MRPL10: variants seen among roughly 807,000 people sequenced by gnomAD.
MRPL10 encodes the protein mitochondrial ribosomal protein L10.
In MRPL10, 14 loss-of-function variants were observed where a neutral mutation model predicts 19.8. That is an observed-to-expected ratio of 0.71 (90% CI 0.47 to 1.11). The LOEUF (loss-of-function observed/expected upper bound fraction) is 1.11, where lower values mean the gene tolerates loss of function less well. Ranked by LOEUF, MRPL10 falls within the 50% of genes least tolerant of loss-of-function variation. The pLI, the probability that MRPL10 is intolerant of heterozygous loss-of-function variation, is 0.00. For missense variants in MRPL10, 318 were observed against 339.6 expected, an observed-to-expected ratio of 0.94 and a Z score of 0.50; for synonymous variants, 129 against 139.2, an observed-to-expected ratio of 0.93 and a Z score of 0.52.
At chr17:47,828,476 G>A (rs1449687944) in intron 2 of MRPL10, 25 bp downstream of exon 2, 2 of 1,391,626 alleles carry the variant, frequency 1.4e-6, no homozygotes, top group Non-Finnish European at 1.9e-6. Flanking sequence ...ACCACCAAGT[G>A]ACATGTACCC....
At chr17:47,825,424 T>C (rs564406239) in intron 4 of MRPL10, among the ~76,000 whole-genome samples, 1 of 152,224 alleles carries the variant, frequency 6.6e-6, no homozygotes, top group African/African-American at 2.4e-5. Context: ...AAACTAGCAG[T>C]TCAAGACAAG....
intron 1 of MRPL10, among the ~76,000 whole-genome samples, chr17:47,831,144 G>A (rs1245041638): frequency 6.6e-6 from 1 of 152,206 alleles, no homozygotes; most frequent in Non-Finnish European, 1.5e-5. Context: ...CTAAACAAAT[G>A]CAAAATTACA....
At position 47,826,723 on chromosome 17, in the gene MRPL10, C is replaced by G. The variant is rs764297515; in HGVS notation, c.446G>C (p.Gly149Ala). The change falls in exon 4 of 5, where the codon GGG becomes GCG. Residue 149 changes from glycine (G) to alanine (A), a missense_variant. By Grantham distance (60) the Gly-to-Ala change is moderately conservative. Transcript: ENST00000351111. Reference sequence around the variant, plus strand: ...TTCACTGACCAGCAGCATGTTGTGCCCCACAAAAAGGGGCAGCAGATTTTG... The same window carrying G: ...TTCACTGACCAGCAGCATGTTGTGCGCCACAAAAAGGGGCAGCAGATTTTG... ...KYQNLLPLFV[G>A]HNMLLVSEEP... 5.6e-6 allele frequency: 9 copies of G among 1,614,142 alleles called. No homozygotes were observed. In the South Asian group the frequency reaches 8.8e-5, roughly 16 times the overall value.
chr17:47,824,516 A>G, intron 4 of MRPL10, 58 bp from the exon 5 acceptor site: 1 of 1,498,478 alleles, frequency 6.7e-7, no homozygotes, highest in African/African-American at 1.4e-5. Context: ...CTCTGAAAAC[A>G]ATATTCTGAC....
chr17:47,830,476 C>A (rs2033610724), intron 1 of MRPL10, among the ~76,000 whole-genome samples: 1 of 151,800 alleles, frequency 6.6e-6, no homozygotes, highest in South Asian at 2.1e-4. Flanking sequence ...ACTGTTAAGA[C>A]TGCAGGCAGG....
chr17:47,831,397 A>G, intron 1 of MRPL10, 63 bp downstream of exon 1: 3 of 1,546,044 alleles, frequency 1.9e-6, no homozygotes, highest in Non-Finnish European at 2.6e-6. Context: ...GTAGTAGAGG[A>G]GGGCAGATGA....
chr17:47,831,191 A>C (rs938720305), intron 1 of MRPL10: 2 of 808,396 alleles, frequency 2.5e-6, no homozygotes, highest in Non-Finnish European at 3.7e-6. Context: ...GGAAGACCTG[A>C]GGTGACATTT....
chr17:47,824,830 A>G (rs1204553425), intron 4 of MRPL10, among the ~76,000 whole-genome samples: 2 of 151,852 alleles, frequency 1.3e-5, no homozygotes, highest in Non-Finnish European at 2.9e-5. Flanking sequence ...CCTGGCCAAC[A>G]TGGAGAAACC....
rs538445684 is a variant in MRPL10, at chr17:47,831,541, T to G, written c.-30A>C. ...ACCGGAAGAATGGACGGAAGCCGAGTGGAGACGGAAAGAGCTAAGGATTGT... is the reference window on the plus strand; with the variant it reads ...ACCGGAAGAATGGACGGAAGCCGAGGGGAGACGGAAAGAGCTAAGGATTGT... On this transcript the variant is annotated 5_prime_UTR_variant, in exon 1 of 5. Transcript: ENST00000351111. The G allele has an allele frequency of 9.8e-5, 152 of 1,545,502 alleles. No homozygotes were observed. In the African/African-American group the frequency reaches 1.9e-3, roughly 19 times the overall value.
intron 4 of MRPL10, among the ~76,000 whole-genome samples, chr17:47,825,265 G>A (rs2033513536): frequency 6.6e-6 from 1 of 152,044 alleles, no homozygotes; most frequent in African/African-American, 2.4e-5. Context: ...GGAGGCGGAG[G>A]TTGCAGTGAG....
rs762792829 is a variant in MRPL10, at chr17:47,828,485, C to G, written c.222+16G>C. On this transcript the variant is annotated intron_variant, in intron 2 of 4. Transcript: ENST00000351111. ...CATCCCACCACCAAGTGACATGTAC[C>G]CAAATTCCTCCTTACCTCCTGTGGG... 7.1e-7 allele frequency: 1 copy of G among 1,400,630 alleles called. No individual in the cohort carries two copies. The highest frequency in any genetic ancestry group is 9.3e-7 in the Non-Finnish European group (1 of 1,070,922). The allele number at this position is 1,400,630 out of a possible 1,614,324, so 86.8% of individuals were successfully genotyped here. A position where few individuals can be genotyped will look rare whatever the true frequency, so the allele number is the denominator to read the frequency against.
At chr17:47,831,433 G>A in intron 1 of MRPL10, 27 bp downstream of exon 1, 1 of 1,548,162 alleles carries the variant, frequency 6.5e-7, no homozygotes. Flanking sequence ...CGCAAGACAC[G>A]CCGTGAGGAC....
intron 1 of MRPL10, among the ~76,000 whole-genome samples, chr17:47,830,666 C>A (rs2033614888): frequency 6.6e-6 from 1 of 152,110 alleles, no homozygotes; most frequent in African/African-American, 2.4e-5. Context: ...CCACCACACC[C>A]GGCTCATTTT....
intron 4 of MRPL10, among the ~76,000 whole-genome samples, chr17:47,826,235 G>A (rs1598036007): frequency 6.6e-6 from 1 of 151,286 alleles, no homozygotes; most frequent in Non-Finnish European, 1.5e-5. Flanking sequence ...GACATGTGCA[G>A]TATTCTCTGC....
chr17:47,829,273 A>AGAAGGAAGGAAGGAAG (rs55845848), intron 1 of MRPL10: 3 of 143,242 alleles, frequency 2.1e-5, no homozygotes, highest in African/African-American at 7.9e-5. Flanking sequence ...AGAAAAAAAA[A>AGAAGGAAGGAAGGAAG]GAAGGAAGGA....
At position 47,828,600 on chromosome 17, in the gene MRPL10, G is replaced by A; in HGVS notation, c.123C>T (p.His41=). ...KAVTRHRRVM[H]FQRQKLMAVT... The stretch of plus-strand genomic sequence containing the variant: ...CAGCCATCAGCTTCTGCCGCTGAAA[G>A]TGCATCACACGACGGTGGCGGGTAA... The change falls in exon 2 of 5, where the codon CAC becomes CAT. Residue 41 remains histidine, a synonymous_variant. Coordinates refer to ENST00000351111, the MANE Select transcript of MRPL10 (RefSeq NM_145255.4). 1 of 1,522,194 alleles carries A rather than the reference G, an allele frequency of 6.6e-7. No individual in the cohort carries two copies. Among genetic ancestry groups the A allele is most frequent in the Non-Finnish European group, 8.7e-7 (1 of 1,142,868 alleles). The allele number at this position is 1,522,194 out of a possible 1,614,324, so 94.3% of individuals were successfully genotyped here. A position where few individuals can be genotyped will look rare whatever the true frequency, so the allele number is the denominator to read the frequency against.
chr17:47,827,333 A>G (rs2033551050), intron 2 of MRPL10, 129 bp from the exon 3 acceptor site: 6 of 704,408 alleles, frequency 8.5e-6, no homozygotes, highest in African/African-American at 1.8e-5. Flanking sequence ...AACAAGTAGG[A>G]TAACTGGGCC....
rs1160829823 is a variant in MRPL10, at chr17:47,823,324, C to G, written c.*881G>C. 2 of 152,084 alleles carry G rather than the reference C, an allele frequency of 1.3e-5. No homozygotes were observed. Among genetic ancestry groups the G allele is most frequent in the Non-Finnish European group, 2.9e-5 (2 of 68,026 alleles). The allele number at this position is 152,084 out of a possible 1,614,324, so 9.4% of individuals were successfully genotyped here. A position where few individuals can be genotyped will look rare whatever the true frequency, so the allele number is the denominator to read the frequency against. On this transcript the variant is annotated 3_prime_UTR_variant, in exon 5 of 5. Transcript: ENST00000351111. ...AATAGGGCAAGCATGCGCGGGATGCCATTTGTGGGAACAGGTATAGGGGAA... is the reference window on the plus strand; with the variant it reads ...AATAGGGCAAGCATGCGCGGGATGCGATTTGTGGGAACAGGTATAGGGGAA...
chr17:47,827,400 A>G (rs550373951), intron 2 of MRPL10, among the ~76,000 whole-genome samples, 196 bp from the exon 3 acceptor site: 1 of 152,200 alleles, frequency 6.6e-6, no homozygotes, highest in Non-Finnish European at 1.5e-5. Flanking sequence ...CACTTTCATT[A>G]GATAATTGCA....
Sources: gnomAD v4.1 joint callset for allele counts (sites outside exome capture counted in the v4.1 genomes callset) on GRCh38, gnomAD v4.1.1 for gene constraint, MANE v1.5 for transcripts, NCBI Gene and HGNC (gene_info 2026-07-23, HGNC 2026-07-21) for gene names.